Variants in CNTNAP5 observed in about 807,000 individuals in gnomAD.
The protein encoded by CNTNAP5 is contactin associated protein family member 5, also known as contactin-associated protein-like 5.
Under a neutral mutation model 150.2 loss-of-function variants are expected in CNTNAP5, and 72 were observed. That is an observed-to-expected ratio of 0.48 (90% confidence interval 0.40 to 0.58). The LOEUF (loss-of-function observed/expected upper bound fraction) is 0.58, where lower values mean the gene tolerates loss of function less well. Ranked by LOEUF, CNTNAP5 falls within the 20% of genes least tolerant of loss-of-function variation. CNTNAP5 has a pLI of 0.00. For synonymous variants in CNTNAP5, 672 were observed against 619.8 expected, an observed-to-expected ratio of 1.08 and a Z score of -1.25; for missense variants, 1,636 against 1,626.2, an observed-to-expected ratio of 1.01 and a Z score of -0.10.
At chr2:124,488,132 CAG>C (rs1693932984) in intron 7 of CNTNAP5, among the ~76,000 whole-genome samples, 1 of 152,056 alleles carries the variant, frequency 6.6e-6, no homozygotes, top group South Asian at 2.1e-4. Flanking sequence ...CACCGAAAAT[CAG>C]AAAGAAAAGA....
chr2:124,826,094 G>GT (rs1348558777), intron 19 of CNTNAP5, among the ~76,000 whole-genome samples: 1 of 151,346 alleles, frequency 6.6e-6, no homozygotes. Context: ...GCCTCAAGTA[G>GT]TTTTTAAAAA....
At chr2:124,328,825 ACTGCTGGGGAAAAGGGTAAG>A (rs1379359003) in intron 3 of CNTNAP5, among the ~76,000 whole-genome samples, 1 of 152,182 alleles carries the variant, frequency 6.6e-6, no homozygotes, top group Non-Finnish European at 1.5e-5. Flanking sequence ...GGTTGTAGAA[ACTGCTGGGGAAAAGGGTAAG>A]CTTCCTCTTT....
chr2:124,726,275 G>A (rs878870926), intron 13 of CNTNAP5, among the ~76,000 whole-genome samples: 3 of 152,084 alleles, frequency 2.0e-5, no homozygotes, highest in South Asian at 2.1e-4. Flanking sequence ...TGTAATCCCC[G>A]TGTGTCAAGA....
intron 3 of CNTNAP5, among the ~76,000 whole-genome samples, chr2:124,376,924 G>A (rs2104733180): frequency 6.6e-6 from 1 of 152,162 alleles, no homozygotes; most frequent in Middle Eastern, 3.4e-3. Flanking sequence ...CTCATTTCCT[G>A]TGTTTAAATG....
At chr2:124,558,944 C>T (rs1695824053) in intron 10 of CNTNAP5, among the ~76,000 whole-genome samples, 1 of 152,250 alleles carries the variant, frequency 6.6e-6, no homozygotes, top group Non-Finnish European at 1.5e-5. Flanking sequence ...AATCTCACAA[C>T]ATCCTACAAA....
intron 13 of CNTNAP5, among the ~76,000 whole-genome samples, chr2:124,672,766 A>G (rs1333678093): frequency 6.6e-6 from 1 of 152,218 alleles, no homozygotes; most frequent in Non-Finnish European, 1.5e-5. Flanking sequence ...AAGTTGGTGT[A>G]CATGTTAAAA....
At chr2:124,328,209 T>C (rs1689268052) in intron 3 of CNTNAP5, among the ~76,000 whole-genome samples, 1 of 152,170 alleles carries the variant, frequency 6.6e-6, no homozygotes, top group South Asian at 2.1e-4. Flanking sequence ...AAATGAGTTC[T>C]AGCAAGTTGG....
intron 11 of CNTNAP5, among the ~76,000 whole-genome samples, chr2:124,584,565 G>A (rs566640729): frequency 9.2e-5 from 14 of 152,154 alleles, no homozygotes; most frequent in African/African-American, 3.1e-4. Context: ...ATTTTTCATC[G>A]TAAAATATCC....
intron 12 of CNTNAP5, among the ~76,000 whole-genome samples, chr2:124,644,029 C>T (rs1245706525): frequency 1.3e-5 from 2 of 152,236 alleles, no homozygotes; most frequent in Admixed American, 6.5e-5. Context: ...ATACTTTGTT[C>T]ACTAACCTCC....
In CNTNAP5 at chr2:124,745,061, G is replaced by A. The variant is rs1016714779; in HGVS notation, c.2078-2168G>A. Among the ~76,000 whole-genome samples the A allele has an allele frequency of 7.9e-5, 12 of 152,100 alleles. No homozygotes were observed. In the East Asian group the frequency reaches 2.3e-3, roughly 29 times the overall value. The stretch of plus-strand genomic sequence containing the variant: ...AGGAGGGAGGCACTAAGAGGCCAAA[G>A]CGGTGCAAGATGTTGATGGATTCAA... On this transcript the variant is annotated intron_variant, in intron 13 of 23. Coordinates refer to ENST00000682447, the MANE Select transcript of CNTNAP5 (RefSeq NM_001367498.1).
At chr2:124,412,798 A>G (rs1691806456) in intron 3 of CNTNAP5, among the ~76,000 whole-genome samples, 2 of 96,330 alleles carry the variant, frequency 2.1e-5, no homozygotes, top group South Asian at 4.3e-4. Flanking sequence ...CCTAGGCATT[A>G]CCATTCAGGA....
chr2:124,178,459 T>C (rs1685122009), intron 1 of CNTNAP5, among the ~76,000 whole-genome samples: 1 of 152,244 alleles, frequency 6.6e-6, no homozygotes, highest in African/African-American at 2.4e-5. Flanking sequence ...ACTCTAATTA[T>C]AGTCTAACCA....
intron 9 of CNTNAP5, among the ~76,000 whole-genome samples, chr2:124,526,634 C>G (rs1252055965): frequency 6.6e-6 from 1 of 152,148 alleles, no homozygotes; most frequent in Admixed American, 6.5e-5. Context: ...TTTAAGAACA[C>G]TCTTTAAAAA....
intron 1 of CNTNAP5, among the ~76,000 whole-genome samples, chr2:124,122,759 G>GACACACACAC (rs66540981): frequency 1.5e-3 from 190 of 127,758 alleles, no homozygotes; most frequent in Middle Eastern, 0.012. Flanking sequence ...GGTGGTAAAA[G>GACACACACAC]ACACACACAC....
intron 11 of CNTNAP5, among the ~76,000 whole-genome samples, chr2:124,583,003 T>C (rs975478792): frequency 6.6e-6 from 1 of 152,242 alleles, no homozygotes; most frequent in Non-Finnish European, 1.5e-5. Context: ...GGCTTTTTTT[T>C]CCAGCTTGAC....
At chr2:124,058,117 C>G (rs1473751484) in intron 1 of CNTNAP5, among the ~76,000 whole-genome samples, 1 of 152,074 alleles carries the variant, frequency 6.6e-6, no homozygotes, top group Non-Finnish European at 1.5e-5. Context: ...AAGTGAATGA[C>G]CTACAGGGAT....
rs138469539 is a variant in CNTNAP5 at position 124,445,832 on chromosome 2, G to A, written c.734-921G>A. 1.2e-3 allele frequency among the ~76,000 whole-genome samples: 187 copies of A among 152,282 alleles called. 2 individuals are homozygous for A. The highest frequency in any genetic ancestry group is 2.0e-3 in the Non-Finnish European group (137 of 68,032). ...ATTGAAAATGTATATATACACAAAC[G>A]TTAGTTCTATTTAATTGTTCATTTT... On this transcript the variant is annotated intron_variant, in intron 5 of 23. Transcript: ENST00000682447.
intron 3 of CNTNAP5, among the ~76,000 whole-genome samples, chr2:124,410,379 C>G (rs532684820): frequency 4.7e-4 from 71 of 151,874 alleles, no homozygotes; most frequent in African/African-American, 1.7e-3. Context: ...CCAAGCGGAC[C>G]TAATAGACAT....
intron 3 of CNTNAP5, among the ~76,000 whole-genome samples, chr2:124,245,733 A>G (rs1369165472): frequency 4.0e-5 from 6 of 148,382 alleles, no homozygotes; most frequent in African/African-American, 1.5e-4. Context: ...AAATATATAC[A>G]TATATATATA....
Sources: gnomAD v4.1 joint callset for allele counts (sites outside exome capture counted in the v4.1 genomes callset) on GRCh38, gnomAD v4.1.1 for gene constraint, MANE v1.5 for transcripts, NCBI Gene and HGNC (gene_info 2026-07-23, HGNC 2026-07-21) for gene names.